The following GTF3C1 variants were observed in gnomAD, a reference collection of about 807,000 sequenced individuals.
GTF3C1 encodes the protein general transcription factor IIIC subunit 1.
Under a neutral mutation model 226.7 loss-of-function variants are expected in GTF3C1, and 57 were observed. The observed-to-expected ratio is 0.25, with a 90% CI of 0.20 to 0.31. The LOEUF (loss-of-function observed/expected upper bound fraction) is 0.31. GTF3C1 is among the 10% of genes least tolerant of loss of function. The probability of loss-of-function intolerance (pLI) is 1.00; values close to 1 mark genes in which losing one functional copy is unlikely to be tolerated. For missense variants in GTF3C1, 2,217 were observed against 2,776.1 expected (o/e 0.80, Z 4.53); for synonymous variants, 1,090 against 1,084.8 (o/e 1.00, Z -0.09).
intron 5 of GTF3C1, among the ~76,000 whole-genome samples, chr16:27,528,991 G>T (rs2088874826): frequency 6.6e-6 from 1 of 152,172 alleles, no homozygotes; most frequent in Non-Finnish European, 1.5e-5. Flanking sequence ...AGGCAGGCAG[G>T]AGTGGAGGAG....
rs1176464723 is a variant in GTF3C1, at chr16:27,462,493, G to A, written c.5925-7C>T. ...GCAGACACTCTCACAGTCCCTGCAG[G>A]GAGAGGGCTTGACATCAGGGCTTGG... On this transcript the variant is annotated splice_region_variant and splice_polypyrimidine_tract_variant and intron_variant, in intron 35 of 36. Coordinates refer to ENST00000356183, the MANE Select transcript of GTF3C1 (RefSeq NM_001520.4). This position sits in a 1 kb window ranked among gnomAD's most constrained non-coding sequence, Gnocchi z 4.5. 1 of 1,611,168 alleles carries A rather than the reference G, an allele frequency of 6.2e-7. No individual in the cohort carries two copies. The highest frequency in any genetic ancestry group is 1.1e-5 in the South Asian group (1 of 90,958).
intron 26 of GTF3C1, among the ~76,000 whole-genome samples, chr16:27,482,155 T>C (rs2088060791): frequency 1.3e-5 from 2 of 152,102 alleles, no homozygotes; most frequent in South Asian, 4.1e-4. Flanking sequence ...TGCTTCCTGC[T>C]CTGGAATTCT....
intron 34 of GTF3C1, 200 bp downstream of exon 34, chr16:27,464,120 G>A: frequency 2.2e-6 from 1 of 454,154 alleles, no homozygotes; most frequent in Non-Finnish European, 3.8e-6. Context: ...GGGGATGTGG[G>A]AGGCCTGCCC....
intron 3 of GTF3C1, 109 bp downstream of exon 3, chr16:27,538,071 G>T: frequency 7.9e-7 from 1 of 1,259,586 alleles, no homozygotes; most frequent in Non-Finnish European, 1.1e-6. Flanking sequence ...CCACGGCCTT[G>T]AAACAAAAAG....
Position 27,470,840 on chromosome 16 carries a change from A to G in GTF3C1, c.4527-445T>C, listed in dbSNP as rs990020389. On this transcript the variant is annotated intron_variant, in intron 30 of 36. Transcript: ENST00000356183. This position sits in a 1 kb window ranked among gnomAD's most constrained non-coding sequence, Gnocchi z 4.9. ...GTCACTTCCCCGGCTCTGTCCAGAG[A>G]GCAACATTCCATGACCCTGCTACCA... The G allele has an allele frequency of 4.9e-5, 9 of 183,332 alleles. No homozygotes were observed. The highest frequency in any genetic ancestry group is 9.3e-5 in the Non-Finnish European group (8 of 85,864). 11.4% of individuals were successfully genotyped at this position (183,332 alleles called of 1,614,324 possible). A position where few individuals can be genotyped will look rare whatever the true frequency, so the allele number is the denominator to read the frequency against.
intron 24 of GTF3C1, among the ~76,000 whole-genome samples, chr16:27,485,050 G>A (rs1440458722): frequency 1.3e-5 from 2 of 152,230 alleles, no homozygotes; most frequent in Non-Finnish European, 2.9e-5. Context: ...TGCAGATGCA[G>A]GGAACAGAAA....
intron 23 of GTF3C1, 112 bp downstream of exon 23, chr16:27,488,115 C>T (rs1395796808): frequency 4.6e-5 from 40 of 874,226 alleles, no homozygotes; most frequent in East Asian, 2.9e-4. Flanking sequence ...CGAGGGAAGG[C>T]GGAAACCCGT....
intron 1 of GTF3C1, among the ~76,000 whole-genome samples, chr16:27,546,452 C>T (rs1320978719): frequency 1.4e-5 from 2 of 138,386 alleles, no homozygotes; most frequent in Non-Finnish European, 1.5e-5. Flanking sequence ...TTCTTTCATG[C>T]AGTTAGCCAA....
Position 27,546,970 on chromosome 16 carries a change from T to C in GTF3C1, c.222-1447A>G, listed in dbSNP as rs1429647156. The stretch of plus-strand genomic sequence containing the variant: ...TTAGTAGAGAGAGGGTTTCACGATG[T>C]TGGCCAAATGATCCACCTGCCTCGG... On this transcript the variant is annotated intron_variant, in intron 1 of 36. Coordinates refer to ENST00000356183, the MANE Select transcript of GTF3C1 (RefSeq NM_001520.4). Among the ~76,000 whole-genome samples the C allele has an allele frequency of 2.0e-5, 3 of 151,954 alleles. No individual in the cohort carries two copies. In the South Asian group the frequency reaches 6.2e-4, roughly 32 times the overall value.
In GTF3C1 at chr16:27,488,409, C is replaced by T. The variant is rs1400490378; in HGVS notation, c.3518G>A (p.Ser1173Asn). The T allele has an allele frequency of 6.2e-7, 1 of 1,610,464 alleles. No homozygotes were observed. Among genetic ancestry groups the T allele is most frequent in the South Asian group, 1.1e-5 (1 of 90,962 alleles). Residue 1173 changes from serine to asparagine, a missense_variant, in exon 23 of 37, where the codon AGC (serine) becomes AAC (asparagine). Around this residue, in one of 12 missense-constraint regions of GTF3C1, gnomAD observed 546 missense variants for 663.0 expected, o/e 0.82. Coordinates refer to ENST00000356183, the MANE Select transcript of GTF3C1 (RefSeq NM_001520.4). ...TGCTTCCCCCCAAATATTCAACCTGCTGTTGCCTAGACATAATCACAGGAG... is the reference window on the plus strand; with the variant it reads ...TGCTTCCCCCCAAATATTCAACCTGTTGTTGCCTAGACATAATCACAGGAG... Reference protein sequence around the residue: ...RPMPLSARGNSRLNIWGEARV... With the variant: ...RPMPLSARGNNRLNIWGEARV...
chr16:27,532,558 G>A (rs1308954174), intron 5 of GTF3C1, among the ~76,000 whole-genome samples: 3 of 151,892 alleles, frequency 2.0e-5, no homozygotes, highest in Non-Finnish European at 2.9e-5. Flanking sequence ...TCTCCCTCTC[G>A]CGCTCCCTTC....
intron 4 of GTF3C1, among the ~76,000 whole-genome samples, chr16:27,535,763 G>A (rs182297222): frequency 5.9e-5 from 9 of 151,978 alleles, no homozygotes; most frequent in Admixed American, 3.9e-4. Context: ...GTGGTGCATC[G>A]CTTGAGCCCT....
At chr16:27,524,715 TTCC>T (rs2088803310) in intron 6 of GTF3C1, among the ~76,000 whole-genome samples, 1 of 152,232 alleles carries the variant, frequency 6.6e-6, no homozygotes, top group Non-Finnish European at 1.5e-5. Context: ...GGAACTAAGG[TTCC>T]TCCTTAGTTT....
Position 27,462,110 on chromosome 16 carries a change from A to G in GTF3C1, c.6117+184T>C. 1.7e-6 allele frequency: 1 copy of G among 595,374 alleles called. No individual in the cohort carries two copies. The highest frequency in any genetic ancestry group is 3.0e-6 in the Non-Finnish European group (1 of 334,202). 36.9% of individuals were successfully genotyped at this position (595,374 alleles called of 1,614,324 possible). A position where few individuals can be genotyped will look rare whatever the true frequency, so the allele number is the denominator to read the frequency against. On this transcript the variant is annotated intron_variant, in intron 36 of 36. Coordinates refer to ENST00000356183, the MANE Select transcript of GTF3C1 (RefSeq NM_001520.4). The surrounding 1 kb of genome is among the most constrained non-coding windows in gnomAD (Gnocchi z 4.5). ...CCCATCTTCCAGCCTGGTCAGCAGC[A>G]TGGAGCTGGTGAAGGACACTGAGGG...
chr16:27,525,172 G>GAAAGAAAT (rs1422963950), intron 6 of GTF3C1, among the ~76,000 whole-genome samples: 4 of 145,720 alleles, frequency 2.7e-5, no homozygotes, highest in African/African-American at 1.0e-4. Context: ...AGAAAGAAAA[G>GAAAGAAAT]AAAAGAAAGA....
chr16:27,470,331 G>T lies in GTF3C1; in HGVS notation c.4591C>A (p.Arg1531=), dbSNP rs756246174. 6.2e-7 allele frequency: 1 copy of T among 1,613,238 alleles called. No individual in the cohort carries two copies. The highest frequency in any genetic ancestry group is 1.7e-4 in the Middle Eastern group (1 of 6,058). ...TESFQFLDRM[R]AAGKLDQPDR... is the part of the protein sequence containing the mutation. ...GGCTGGTCCAACTTGCCGGCAGCCCGCATTCTGTCCAAAAACTGGAATGAC... is the reference window on the plus strand; with the variant it reads ...GGCTGGTCCAACTTGCCGGCAGCCCTCATTCTGTCCAAAAACTGGAATGAC... The change falls in exon 31 of 37, where the codon CGG becomes AGG. Residue 1531 remains arginine (R), a synonymous_variant. Coordinates refer to ENST00000356183, the MANE Select transcript of GTF3C1 (RefSeq NM_001520.4). The surrounding 1 kb of genome is among the most constrained non-coding windows in gnomAD (Gnocchi z 4.9).
In GTF3C1 at chr16:27,505,981, T is replaced by C. The variant is rs375251850; in HGVS notation, c.1688A>G (p.Asn563Ser). ...CGCACAGTGGGAGACAAAGGACACG[T>C]TGGGTTCTGAGACGCTGCTGGTATC... The part of the protein sequence containing the change: ...LLDTSSVSEP[N>S]VSFVSHCADS... Residue 563 changes from asparagine (N) to serine (S), a missense_variant, in exon 10 of 37, where the codon AAC becomes AGC. Physicochemically the swap from Asn to Ser is conservative, Grantham distance 46. Around this residue, in one of 12 missense-constraint regions of GTF3C1, gnomAD observed 173 missense variants for 207.2 expected, o/e 0.83. Coordinates refer to ENST00000356183, the MANE Select transcript of GTF3C1 (RefSeq NM_001520.4). The C allele has an allele frequency of 2.4e-5, 38 of 1,612,870 alleles. No homozygotes were observed. In the Middle Eastern group the frequency reaches 9.9e-4, roughly 42 times the overall value.
At chr16:27,480,294 G>A (rs76168624) in intron 27 of GTF3C1, among the ~76,000 whole-genome samples, 2,949 of 151,024 alleles carry the variant, frequency 0.02, 50 homozygotes, top group Admixed American at 0.04. Flanking sequence ...CCATTGGATT[G>A]ACTTGAAACC....
chr16:27,506,704 T>C (rs1370022595), intron 9 of GTF3C1, 143 bp downstream of exon 9: 2 of 598,814 alleles, frequency 3.3e-6, no homozygotes, highest in Admixed American at 6.1e-5. Context: ...CCCATGATGA[T>C]GTGGTACAAG....
Sources: gnomAD v4.1 joint callset for allele counts (sites outside exome capture counted in the v4.1 genomes callset) on GRCh38, gnomAD v4.1.1 for gene constraint, gnomAD v4.1.1 regional missense constraint, Gnocchi (gnomAD v3.1) non-coding constraint, MANE v1.5 for transcripts, NCBI Gene and HGNC (gene_info 2026-07-23, HGNC 2026-07-21) for gene names.